FGGY: variants seen among roughly 807,000 people sequenced by gnomAD.
FGGY encodes FGGY carbohydrate kinase domain containing, also known as FGGY carbohydrate kinase domain-containing protein.
FGGY carries 72 observed loss-of-function variants against 71.3 expected under a neutral mutation model. The ratio of observed to expected loss-of-function variants is 1.01; its 90% CI spans 0.84 to 1.23. The LOEUF (loss-of-function observed/expected upper bound fraction) is 1.23. Among genes scored for constraint, FGGY ranks in the 50% most tolerant of loss-of-function variants. The pLI is 0.00. For synonymous variants in FGGY, 251 were observed against 250.3 expected (o/e 1.00, Z -0.02); for missense variants, 668 against 682.3 (o/e 0.98, Z 0.23).
At chr1:59,635,812 T>C (rs1014671944) in intron 10 of FGGY, among the ~76,000 whole-genome samples, 1 of 152,204 alleles carries the variant, frequency 6.6e-6, no homozygotes, top group African/African-American at 2.4e-5. Context: ...GAAGCCATAA[T>C]AGAATCATTC....
At chr1:59,589,312 A>T (rs1201096464) in intron 8 of FGGY, among the ~76,000 whole-genome samples, 2 of 152,142 alleles carry the variant, frequency 1.3e-5, no homozygotes, top group Non-Finnish European at 2.9e-5. Context: ...CTACAAAGAG[A>T]CTTAGACTCC....
chr1:59,608,815 C>A (rs554485824), intron 9 of FGGY, among the ~76,000 whole-genome samples: 40 of 152,120 alleles, frequency 2.6e-4, no homozygotes, highest in African/African-American at 8.7e-4. Flanking sequence ...TCAGCCTGGG[C>A]GACAAGAGCG....
chr1:59,715,320 G>A (rs1030559455), intron 14 of FGGY, among the ~76,000 whole-genome samples: 5 of 152,206 alleles, frequency 3.3e-5, no homozygotes, highest in African/African-American at 1.2e-4. Context: ...TACCCTTAGA[G>A]GGTGGTGAAC....
intron 8 of FGGY, 47 bp from the exon 9 acceptor site, chr1:59,607,756 A>AC (rs1463992493): frequency 1.8e-5 from 27 of 1,464,410 alleles, no homozygotes; most frequent in Non-Finnish European, 2.2e-5. Context: ...CCCTTCCCCT[A>AC]CCCCTGAGAG....
chr1:59,677,211 G>T (rs1171019391), intron 14 of FGGY, among the ~76,000 whole-genome samples: 1 of 152,214 alleles, frequency 6.6e-6, no homozygotes, highest in East Asian at 1.9e-4. Context: ...AAATTGAATT[G>T]CTTTCTTTCT....
chr1:59,467,911 G>GT (rs11438852), intron 6 of FGGY, among the ~76,000 whole-genome samples: 55,064 of 149,662 alleles, frequency 0.37, 10,667 homozygotes, highest in Middle Eastern at 0.49. Context: ...GTTTTGTTTT[G>GT]TTTTTTTTTG....
intron 8 of FGGY, among the ~76,000 whole-genome samples, chr1:59,578,904 G>T (rs1258082279): frequency 1.3e-5 from 2 of 152,096 alleles, no homozygotes; most frequent in East Asian, 3.9e-4. Context: ...GGGAGGGGGA[G>T]AGCGAGGTAG....
intron 14 of FGGY, among the ~76,000 whole-genome samples, chr1:59,749,577 A>G (rs1283858111): frequency 6.6e-6 from 1 of 152,202 alleles, no homozygotes; most frequent in Non-Finnish European, 1.5e-5. Flanking sequence ...TCATTGATTC[A>G]TTTAACAAAT....
rs759506495 is a variant in FGGY, at chr1:59,321,796, C to G, written c.201+46C>G. 3 of 1,556,774 alleles carry G rather than the reference C, an allele frequency of 1.9e-6. No individual in the cohort carries two copies. The South Asian group carries it at 3.5e-5, about 18-fold the overall frequency. On this transcript the variant is annotated intron_variant, in intron 2 of 15. Transcript: ENST00000303721. ...CTCTCCTTGTTCATATTCCTACCTGCTGAGTGTCGTGTGTCAATCTGGTGC... is the reference window on the plus strand; with the variant it reads ...CTCTCCTTGTTCATATTCCTACCTGGTGAGTGTCGTGTGTCAATCTGGTGC...
intron 9 of FGGY, among the ~76,000 whole-genome samples, chr1:59,611,593 T>C (rs1189000098): frequency 6.6e-6 from 1 of 152,040 alleles, no homozygotes; most frequent in Admixed American, 6.6e-5. Flanking sequence ...TCAGAGTGCC[T>C]CTCCTCCTCC....
At chr1:59,758,666 G>A (rs957795163) in intron 15 of FGGY, among the ~76,000 whole-genome samples, 1 of 152,190 alleles carries the variant, frequency 6.6e-6, no homozygotes, top group Admixed American at 6.5e-5. Flanking sequence ...ACAGGCCAAG[G>A]CAAGAAAGAA....
intron 8 of FGGY, among the ~76,000 whole-genome samples, chr1:59,559,693 C>T (rs1428999332): frequency 6.6e-6 from 1 of 152,114 alleles, no homozygotes; most frequent in Non-Finnish European, 1.5e-5. Context: ...GGAGCATTTG[C>T]AGTGCCAGAA....
At chr1:59,628,011 A>G (rs116285097) in intron 10 of FGGY, among the ~76,000 whole-genome samples, 5,407 of 152,336 alleles carry the variant, frequency 0.035, 129 homozygotes, top group Non-Finnish European at 0.05. Flanking sequence ...CATTAGGTAA[A>G]CACTACAGAG....
At chr1:59,382,418 A>G (rs1221086886) in intron 5 of FGGY, among the ~76,000 whole-genome samples, 1 of 152,164 alleles carries the variant, frequency 6.6e-6, no homozygotes, top group Non-Finnish European at 1.5e-5. Flanking sequence ...AGAGAGATGC[A>G]TATGCTTGTG....
At chr1:59,633,080 A>G (rs2096923465) in intron 10 of FGGY, among the ~76,000 whole-genome samples, 1 of 144,212 alleles carries the variant, frequency 6.9e-6, no homozygotes, top group East Asian at 2.0e-4. Context: ...GCACTATCTC[A>G]GCTCACTGCA....
intron 9 of FGGY, among the ~76,000 whole-genome samples, chr1:59,610,782 A>T (rs868677373): frequency 3.2e-4 from 48 of 152,206 alleles, no homozygotes; most frequent in African/African-American, 1.1e-3. Context: ...GCCATGACAG[A>T]TGGCACCTGG....
intron 9 of FGGY, among the ~76,000 whole-genome samples, chr1:59,618,033 G>T (rs1390304977): frequency 6.6e-6 from 1 of 152,100 alleles, no homozygotes; most frequent in African/African-American, 2.4e-5. Flanking sequence ...TGGAGATAAT[G>T]ATTTCATGCC....
intron 5 of FGGY, among the ~76,000 whole-genome samples, chr1:59,388,337 A>G (rs2060314376): frequency 6.6e-6 from 1 of 152,142 alleles, no homozygotes; most frequent in African/African-American, 2.4e-5. Flanking sequence ...GACCCTTAAA[A>G]TGTGGCTTAA....
At position 59,610,085 on chromosome 1, in the gene FGGY, C is replaced by T. The variant is rs569818666; in HGVS notation, c.1011+2175C>T. Among the ~76,000 whole-genome samples, 12 of 152,326 alleles carry T rather than the reference C, an allele frequency of 7.9e-5. No individual in the cohort carries two copies. In the South Asian group the frequency reaches 8.3e-4, roughly 11 times the overall value. On this transcript the variant is annotated intron_variant, in intron 9 of 15. Coordinates refer to ENST00000303721, the MANE Select transcript of FGGY (RefSeq NM_018291.5). The stretch of plus-strand genomic sequence containing the variant: ...TACTTAGTCAACTTATTTTATTTTA[C>T]TTTCAGTTCCGGGATACAAGTGCAG...
Sources: allele counts gnomAD v4.1 joint callset (sites outside exome capture counted in the v4.1 genomes callset), GRCh38; gene constraint gnomAD v4.1.1; transcripts MANE v1.5; gene names NCBI Gene and HGNC (gene_info 2026-07-23, HGNC 2026-07-21).